ADCY5: variants seen among roughly 807,000 people sequenced by gnomAD.
The protein encoded by ADCY5 is adenylate cyclase type 5.
ADCY5 carries 30 observed loss-of-function variants against 119.7 expected under a neutral mutation model. The observed-to-expected ratio is 0.25, with a 90% CI of 0.19 to 0.34. The LOEUF (loss-of-function observed/expected upper bound fraction) is 0.34, where lower values mean the gene tolerates loss of function less well. Ranked by LOEUF, ADCY5 falls within the 10% of genes least tolerant of loss-of-function variation. The probability of loss-of-function intolerance (pLI) is 1.00; values close to 1 mark genes in which losing one functional copy is unlikely to be tolerated. For synonymous variants in ADCY5, 753 were observed against 762.2 expected, an observed-to-expected ratio of 0.99 and a Z score of 0.20; for missense variants, 1,324 against 1,775.2, an observed-to-expected ratio of 0.75 and a Z score of 4.57.
intron 1 of ADCY5, among the ~76,000 whole-genome samples, chr3:123,395,847 C>T (rs969395871): frequency 6.6e-6 from 1 of 150,460 alleles, no homozygotes; most frequent in Non-Finnish European, 1.5e-5. Context: ...TTCACCCCTG[C>T]ACTCCAGACT....
At chr3:123,314,206 G>T in intron 12 of ADCY5, 29 bp downstream of exon 12, 1 of 1,573,354 alleles carries the variant, frequency 6.4e-7, no homozygotes. Context: ...GAAGAAGGTG[G>T]CTGCAACCCA....
At chr3:123,381,681 AT>A (rs1422698766) in intron 1 of ADCY5, among the ~76,000 whole-genome samples, 2 of 152,156 alleles carry the variant, frequency 1.3e-5, no homozygotes, top group Non-Finnish European at 2.9e-5. Context: ...CCCACAAATC[AT>A]GTTGCCGGTT....
intron 1 of ADCY5, among the ~76,000 whole-genome samples, chr3:123,421,264 G>C (rs1443086342): frequency 1.6e-4 from 24 of 152,168 alleles, no homozygotes. Context: ...ACTATTATAA[G>C]CATGTTTACC....
intron 1 of ADCY5, among the ~76,000 whole-genome samples, chr3:123,413,699 C>T (rs1006971400): frequency 1.3e-5 from 2 of 152,212 alleles, no homozygotes; most frequent in Non-Finnish European, 2.9e-5. Flanking sequence ...CCTCAGGCTA[C>T]AGCTTGAGGC....
In ADCY5 at chr3:123,345,769, G is replaced by GACAGACAGACAGACACACACACACAC. The variant is rs57198270; in HGVS notation, c.1406+2012_1406+2013insGTGTGTGTGTGTGTCTGTCTGTCTGT. On this transcript the variant is annotated intron_variant, in intron 3 of 20. Coordinates refer to ENST00000462833, the MANE Select transcript of ADCY5 (RefSeq NM_183357.3). ...AGACAGACAGACAGACAGACAGACA[G>GACAGACAGACAGACACACACACACAC]ACACACACACACACACACACACACA... Among the ~76,000 whole-genome samples the GACAGACAGACAGACACACACACACAC allele has an allele frequency of 6.4e-4, 73 of 113,832 alleles. 1 individual carries two copies. Among genetic ancestry groups the GACAGACAGACAGACACACACACACAC allele is most frequent in the African/African-American group, 2.3e-3 (58 of 25,376 alleles). 74.7% of individuals were successfully genotyped at this position (113,832 alleles called of 152,430 possible).
chr3:123,322,300 T>C (rs1273487195), intron 8 of ADCY5, among the ~76,000 whole-genome samples: 1 of 152,176 alleles, frequency 6.6e-6, no homozygotes, highest in Non-Finnish European at 1.5e-5. Context: ...TCTCTATGGT[T>C]CAAAAATAGG....
chr3:123,437,822 C>T (rs1945646094), intron 1 of ADCY5, among the ~76,000 whole-genome samples: 1 of 152,160 alleles, frequency 6.6e-6, no homozygotes, highest in Admixed American at 6.5e-5. Context: ...GGACCCCAAG[C>T]CCACCAAGGG....
intron 20 of ADCY5, among the ~76,000 whole-genome samples, chr3:123,285,221 C>G (rs2108152482): frequency 6.6e-6 from 1 of 152,332 alleles, no homozygotes; most frequent in East Asian, 1.9e-4. Flanking sequence ...CTTTGCTTAT[C>G]TCACTGCATC....
chr3:123,352,872 T>A lies in ADCY5; in HGVS notation c.1135-291A>T, dbSNP rs186022481. Among the ~76,000 whole-genome samples the A allele has an allele frequency of 4.6e-5, 7 of 152,278 alleles. No homozygotes were observed. Among genetic ancestry groups the A allele is most frequent in the African/African-American group, 9.6e-5 (4 of 41,554 alleles). ...CCTATAGTACCAGAAATTAAAAGGCTACATGTACTGTGACAGAGCTGTGTG... is the reference window on the plus strand; with the variant it reads ...CCTATAGTACCAGAAATTAAAAGGCAACATGTACTGTGACAGAGCTGTGTG... On this transcript the variant is annotated intron_variant, in intron 1 of 20. Coordinates refer to ENST00000462833, the MANE Select transcript of ADCY5 (RefSeq NM_183357.3). This position sits in a 1 kb window ranked among gnomAD's most constrained non-coding sequence, Gnocchi z 4.8.
At chr3:123,307,375 C>T (rs1940257030) in intron 12 of ADCY5, among the ~76,000 whole-genome samples, 1 of 152,124 alleles carries the variant, frequency 6.6e-6, no homozygotes, top group Non-Finnish European at 1.5e-5. Context: ...TAGCTCTCAC[C>T]CAGAGTGGCT....
chr3:123,432,056 T>C lies in ADCY5; in HGVS notation c.1134+15356A>G, dbSNP rs144823839. Among the ~76,000 whole-genome samples the C allele has an allele frequency of 3.9e-5, 6 of 152,290 alleles. No individual in the cohort carries two copies. In the East Asian group the frequency reaches 1.2e-3, roughly 29 times the overall value. On this transcript the variant is annotated intron_variant, in intron 1 of 20. Transcript: ENST00000462833. Reference sequence around the variant, plus strand: ...CCTTTACTTCCCACACCTTAAGCTCTGACGGACTCATTGAGGTTAACCCAG... The same window carrying C: ...CCTTTACTTCCCACACCTTAAGCTCCGACGGACTCATTGAGGTTAACCCAG...
intron 5 of ADCY5, among the ~76,000 whole-genome samples, chr3:123,330,292 T>C (rs1180115768): frequency 1.3e-5 from 2 of 152,248 alleles, no homozygotes; most frequent in African/African-American, 4.8e-5. Flanking sequence ...ACTTGCTCCC[T>C]TGGCTGTCAC....
At chr3:123,318,151 G>A (rs1366349754) in intron 10 of ADCY5, 34 bp from the exon 11 acceptor site, 1 of 1,567,000 alleles carries the variant, frequency 6.4e-7, no homozygotes, top group Non-Finnish European at 8.8e-7. Flanking sequence ...GAGGGGCCAA[G>A]GTACCTGGCC....
Position 123,428,479 on chromosome 3 carries a change from G to A in ADCY5, c.1134+18933C>T, listed in dbSNP as rs376543912. Among the ~76,000 whole-genome samples the A allele has an allele frequency of 1.4e-4, 22 of 152,238 alleles. No homozygotes were observed. In the East Asian group the frequency reaches 2.3e-3, roughly 16 times the overall value. On this transcript the variant is annotated intron_variant, in intron 1 of 20. Transcript: ENST00000462833. The stretch of plus-strand genomic sequence containing the variant: ...TGTCTCCATCTCCTCGCTCCCTTGC[G>A]TCCTCCAAAGCCTCCTCTAGCCCTG...
chr3:123,357,578 C>CACT, intron 1 of ADCY5, among the ~76,000 whole-genome samples: 1 of 152,310 alleles, frequency 6.6e-6, no homozygotes, highest in East Asian at 1.9e-4. Flanking sequence ...ATCTCTCTTT[C>CACT]ACTAAACACA....
intron 3 of ADCY5, among the ~76,000 whole-genome samples, chr3:123,340,522 G>C (rs1942229031): frequency 6.6e-6 from 1 of 152,124 alleles, no homozygotes; most frequent in Admixed American, 6.5e-5. Flanking sequence ...CAACTGGTCA[G>C]CGCCTCTTTG....
chr3:123,416,289 C>T (rs912377641), intron 1 of ADCY5: 19 of 1,535,916 alleles, frequency 1.2e-5, no homozygotes, highest in South Asian at 7.1e-5. Flanking sequence ...TACTTCCAGA[C>T]GCTTCCCCAA....
intron 1 of ADCY5, among the ~76,000 whole-genome samples, chr3:123,357,902 G>C (rs2043429321): frequency 6.6e-6 from 1 of 152,130 alleles, no homozygotes; most frequent in Non-Finnish European, 1.5e-5. Flanking sequence ...GACAAGGAAG[G>C]TATGTCCAAA....
At chr3:123,397,079 T>G (rs910416642) in intron 1 of ADCY5, among the ~76,000 whole-genome samples, 1 of 152,062 alleles carries the variant, frequency 6.6e-6, no homozygotes, top group Non-Finnish European at 1.5e-5. Flanking sequence ...AAACCCTCAA[T>G]AAACAGAAGA....
Sources: gnomAD v4.1 joint callset for allele counts (sites outside exome capture counted in the v4.1 genomes callset) on GRCh38, gnomAD v4.1.1 for gene constraint, Gnocchi (gnomAD v3.1) non-coding constraint, MANE v1.5 for transcripts, NCBI Gene and HGNC (gene_info 2026-07-23, HGNC 2026-07-21) for gene names.